Variants in STEAP2 observed in about 807,000 individuals in gnomAD.
The protein encoded by STEAP2 is STEAP2 metalloreductase.
A neutral mutation model predicts 46.4 loss-of-function variants in STEAP2; 30 were observed. The ratio of observed to expected loss-of-function variants is 0.65; its 90% CI spans 0.48 to 0.88. The LOEUF is 0.88. Among genes scored for constraint, STEAP2 ranks in the 40% least tolerant of loss-of-function variants. STEAP2 has a pLI of 0.00. For synonymous variants in STEAP2, 180 were observed against 200.5 expected, an observed-to-expected ratio of 0.90 and a Z score of 0.86; for missense variants, 513 against 579.3, an observed-to-expected ratio of 0.89 and a Z score of 1.18.
At position 90,235,712 on chromosome 7, in the gene STEAP2, T is replaced by C; in HGVS notation, c.*3088T>C. The C allele has an allele frequency of 1.2e-6, 1 of 806,902 alleles. No individual in the cohort carries two copies. The highest frequency in any genetic ancestry group is 1.5e-6 in the Non-Finnish European group (1 of 667,110). The allele number at this position is 806,902 out of a possible 1,614,324, so 50.0% of individuals were successfully genotyped here. ...TTATGTAAATATTTCTTATGTCTCC[T>C]CTATTAAGAGTATTTAAAATCATAT... On this transcript the variant is annotated 3_prime_UTR_variant, in exon 6 of 6. Coordinates refer to ENST00000394621, the MANE Select transcript of STEAP2 (RefSeq NM_001244944.2).
At chr7:90,238,558 AC>A (rs1796020507), downstream of STEAP2, among the ~76,000 whole-genome samples, 1 of 152,166 alleles carries the variant, frequency 6.6e-6, no homozygotes, top group Non-Finnish European at 1.5e-5. Flanking sequence ...ATCCTCAAAG[AC>A]CGAGCAATTA....
intron 5 of STEAP2, among the ~76,000 whole-genome samples, chr7:90,231,734 G>A (rs887635377): frequency 1.3e-5 from 2 of 152,012 alleles, no homozygotes; most frequent in Non-Finnish European, 2.9e-5. Context: ...ATGTGTATGT[G>A]TATACACACA....
chr7:90,237,959 T>A (rs1796010089), downstream of STEAP2: 1 of 647,700 alleles, frequency 1.5e-6, no homozygotes, highest in African/African-American at 1.8e-5. Flanking sequence ...TAGTATAATG[T>A]GATCTATGAT....
rs138763223 is a variant in STEAP2, at chr7:90,227,139, A to G, written c.661A>G (p.Ser221Gly). ...GAGAGGGCCAGTGGTGGTAGCTATAAGCTTGGCCACATTTTTTTTCCTTTA... is the reference window on the plus strand; with the variant it reads ...GAGAGGGCCAGTGGTGGTAGCTATAGGCTTGGCCACATTTTTTTTCCTTTA... Reference protein sequence around the residue: ...LWRGPVVVAISLATFFFLYSF... With the variant: ...LWRGPVVVAIGLATFFFLYSF... Residue 221 changes from serine (S) to glycine (G), a missense_variant, in exon 4 of 6, where the codon AGC (serine) becomes GGC (glycine). Ser to Gly is a moderately conservative substitution (Grantham distance 56). Coordinates refer to ENST00000394621, the MANE Select transcript of STEAP2 (RefSeq NM_001244944.2). The G allele has an allele frequency of 1.1e-4, 176 of 1,613,758 alleles. 2 individuals carry two copies. The East Asian group carries it at 1.5e-3, about 13-fold the overall frequency.
chr7:90,218,887 T>C (rs1029305223), intron 2 of STEAP2, among the ~76,000 whole-genome samples: 2 of 152,154 alleles, frequency 1.3e-5, no homozygotes, highest in Admixed American at 6.6e-5. Context: ...TAATATTAAT[T>C]CTTCCAATCC....
Position 90,229,865 on chromosome 7 carries a change from T to C in STEAP2, c.1021-7T>C. 1 of 1,611,464 alleles carries C rather than the reference T, an allele frequency of 6.2e-7. No individual in the cohort carries two copies. The highest frequency in any genetic ancestry group is 1.1e-5 in the South Asian group (1 of 90,546). Reference sequence around the variant, plus strand: ...ATAAAGGAAATTCACATTCGCTTTCTTGTTAGGTTCATGCAAATATTGAAA... The same window carrying C: ...ATAAAGGAAATTCACATTCGCTTTCCTGTTAGGTTCATGCAAATATTGAAA... On this transcript the variant is annotated splice_region_variant and splice_polypyrimidine_tract_variant and intron_variant, in intron 4 of 5. Coordinates refer to ENST00000394621, the MANE Select transcript of STEAP2 (RefSeq NM_001244944.2).
At chr7:90,218,290 T>G (rs954354249) in intron 2 of STEAP2, among the ~76,000 whole-genome samples, 1 of 152,126 alleles carries the variant, frequency 6.6e-6, no homozygotes, top group African/African-American at 2.4e-5. Context: ...ATTTGTCTAT[T>G]TTTTTGTTGT....
intron 5 of STEAP2, among the ~76,000 whole-genome samples, chr7:90,230,591 A>G (rs1171807631): frequency 6.6e-5 from 10 of 152,034 alleles, no homozygotes; most frequent in Admixed American, 6.6e-4. Context: ...TCAGTAGTAT[A>G]CTAATACGTA....
At chr7:90,241,605 A>G (rs987420417), downstream of STEAP2, among the ~76,000 whole-genome samples, 1 of 152,164 alleles carries the variant, frequency 6.6e-6, no homozygotes, top group Admixed American at 6.5e-5. Context: ...GACTTACTGA[A>G]GCAGAGACTC....
chr7:90,230,881 C>T (rs982855555), intron 5 of STEAP2, among the ~76,000 whole-genome samples: 5 of 150,992 alleles, frequency 3.3e-5, no homozygotes, highest in Non-Finnish European at 5.9e-5. Flanking sequence ...AAATCTCATT[C>T]AAAGCAGGGC....
intron 3 of STEAP2, 31 bp downstream of exon 3, chr7:90,225,605 T>C: frequency 6.5e-7 from 1 of 1,527,896 alleles, no homozygotes; most frequent in Non-Finnish European, 8.8e-7. Flanking sequence ...TTCTTATGTA[T>C]CTGGTATTTT....
downstream of STEAP2, chr7:90,238,283 G>A (rs938858039): frequency 1.7e-6 from 1 of 582,792 alleles, no homozygotes; most frequent in Admixed American, 2.4e-5. Context: ...GCCTGGAAAT[G>A]CTTAGGTGCT....
At position 90,234,283 on chromosome 7, in the gene STEAP2, C is replaced by G. The variant is rs933157527; in HGVS notation, c.*1659C>G. The G allele has an allele frequency of 5.1e-6, 5 of 985,194 alleles. No homozygotes were observed. In the African/African-American group the frequency reaches 7.0e-5, roughly 14 times the overall value. 61.0% of individuals were successfully genotyped at this position (985,194 alleles called of 1,614,324 possible). On this transcript the variant is annotated 3_prime_UTR_variant, in exon 6 of 6. Coordinates refer to ENST00000394621, the MANE Select transcript of STEAP2 (RefSeq NM_001244944.2). ...ACTGTAGAATGCCCTACATTCCCCCCACCCCAATTTGCTATTTCCTTATTA... is the reference window on the plus strand; with the variant it reads ...ACTGTAGAATGCCCTACATTCCCCCGACCCCAATTTGCTATTTCCTTATTA...
rs1795892995 is a variant in STEAP2, at chr7:90,234,652, G to A, written c.*2028G>A. ...TGCAAGCTCTGCCTCCCGGGTTCAC[G>A]CCATTCTCCTGCCTCAGCCTCCCGA... On this transcript the variant is annotated 3_prime_UTR_variant, in exon 6 of 6. Transcript: ENST00000394621. 9.8e-6 allele frequency: 6 copies of A among 614,368 alleles called. No individual in the cohort carries two copies. In the Admixed American group the frequency reaches 2.0e-4, roughly 20 times the overall value. 38.1% of individuals were successfully genotyped at this position (614,368 alleles called of 1,614,324 possible). A position where few individuals can be genotyped will look rare whatever the true frequency, so the allele number is the denominator to read the frequency against.
Position 90,225,562 on chromosome 7 carries a change from T to A in STEAP2, c.480T>A (p.Asp160Glu). 2.5e-6 allele frequency: 4 copies of A among 1,593,712 alleles called. No homozygotes were observed. Among genetic ancestry groups the A allele is most frequent in the Non-Finnish European group, 3.4e-6 (4 of 1,172,208 alleles). The part of the protein sequence containing the change: ...SAWALQLGPK[D>E]ASRQVYICSN... Reference sequence around the variant, plus strand: ...GGGCACTTCAGTTAGGACCTAAGGATGCCAGCCGGCAGGTATGTATTTTAC... The same window carrying A: ...GGGCACTTCAGTTAGGACCTAAGGAAGCCAGCCGGCAGGTATGTATTTTAC... Residue 160 changes from aspartate to glutamate, a missense_variant, in exon 3 of 6, where the codon GAT (aspartate) becomes GAA (glutamate). Transcript: ENST00000394621.
chr7:90,234,405 C>T lies in STEAP2; in HGVS notation c.*1781C>T, dbSNP rs1033428966. 8.1e-6 allele frequency: 8 copies of T among 985,226 alleles called. No individual in the cohort carries two copies. In the African/African-American group the frequency reaches 1.4e-4, roughly 17 times the overall value. 61.0% of individuals were successfully genotyped at this position (985,226 alleles called of 1,614,324 possible). On this transcript the variant is annotated 3_prime_UTR_variant, in exon 6 of 6. Coordinates refer to ENST00000394621, the MANE Select transcript of STEAP2 (RefSeq NM_001244944.2). Reference sequence around the variant, plus strand: ...CCCACGTAGGTACTACTGAATCCAACTGCCAACAATAAAAAGACTTTTATT... The same window carrying T: ...CCCACGTAGGTACTACTGAATCCAATTGCCAACAATAAAAAGACTTTTATT...
chr7:90,220,495 A>AT (rs1268869478), intron 2 of STEAP2, among the ~76,000 whole-genome samples: 1 of 151,770 alleles, frequency 6.6e-6, no homozygotes, highest in African/African-American at 2.4e-5. Flanking sequence ...TCCATTTCTG[A>AT]TTTTTTATTG....
chr7:90,226,970 G>T lies in STEAP2; in HGVS notation c.493-1G>T, dbSNP rs373836206. On this transcript the variant is annotated splice_acceptor_variant, in intron 3 of 5. Transcript: ENST00000394621. LOFTEE classifies it high-confidence loss of function. ...GCTGAGTCTTTTTGTTTTTTCCACA[G>T]GTTTATATATGCAGCAACAATATTC... 1.3e-6 allele frequency: 2 copies of T among 1,574,072 alleles called. No individual in the cohort carries two copies. Among genetic ancestry groups the T allele is most frequent in the Non-Finnish European group, 1.7e-6 (2 of 1,164,830 alleles).
intron 1 of STEAP2, among the ~76,000 whole-genome samples, chr7:90,212,683 A>C (rs1794864837): frequency 6.6e-6 from 1 of 152,086 alleles, no homozygotes; most frequent in South Asian, 2.1e-4. Context: ...TCCATTTATT[A>C]TCTCTCCCAC....
Sources: allele counts gnomAD v4.1 joint callset (sites outside exome capture counted in the v4.1 genomes callset), GRCh38; gene constraint gnomAD v4.1.1; transcripts MANE v1.5; gene names NCBI Gene and HGNC (gene_info 2026-07-23, HGNC 2026-07-21).